Variants in PTPRD observed in about 807,000 individuals in gnomAD.
PTPRD encodes the protein protein tyrosine phosphatase receptor type D.
A neutral mutation model predicts 214.5 loss-of-function variants in PTPRD; 34 were observed. That is an observed-to-expected ratio of 0.16 (90% CI 0.12 to 0.21). The LOEUF is 0.21. Among genes scored for constraint, PTPRD ranks in the 10% least tolerant of loss-of-function variants. PTPRD has a pLI of 1.00. For synonymous variants in PTPRD, 1,128 were observed against 845.7 expected (o/e 1.33, Z -5.79); for missense variants, 2,545 against 2,398.7 (o/e 1.06, Z -1.27).
intron 14 of PTPRD, among the ~76,000 whole-genome samples, chr9:8,618,866 T>TTG (rs371767469): frequency 0.092 from 12,015 of 130,796 alleles, 552 homozygotes; most frequent in East Asian, 0.11. Context: ...CCAGCTAATT[T>TTG]TGTGTGTGTG....
At chr9:9,764,550 G>C (rs898951449) in intron 6 of PTPRD, among the ~76,000 whole-genome samples, 5 of 152,124 alleles carry the variant, frequency 3.3e-5, no homozygotes, top group African/African-American at 1.2e-4. Flanking sequence ...TAGGATGATT[G>C]AGATTATTAT....
At chr9:10,016,236 T>C (rs751576854) in intron 4 of PTPRD, among the ~76,000 whole-genome samples, 2 of 152,200 alleles carry the variant, frequency 1.3e-5, no homozygotes, top group Non-Finnish European at 2.9e-5. Context: ...AATTTGCTAA[T>C]GACATTGTTT....
chr9:9,192,909 G>T (rs1456183102), intron 9 of PTPRD, among the ~76,000 whole-genome samples: 1 of 152,100 alleles, frequency 6.6e-6, no homozygotes, highest in African/African-American at 2.4e-5. Context: ...TCTCTGAGAA[G>T]AGAAGCTGAT....
chr9:9,419,529 T>A (rs187176172), intron 8 of PTPRD, among the ~76,000 whole-genome samples: 60 of 151,942 alleles, frequency 3.9e-4, no homozygotes, highest in African/African-American at 1.2e-3. Flanking sequence ...AAACCTATAA[T>A]TCTGCTTAGA....
At chr9:8,454,117 G>A (rs2096079269) in intron 33 of PTPRD, among the ~76,000 whole-genome samples, 1 of 152,002 alleles carries the variant, frequency 6.6e-6, no homozygotes, top group South Asian at 2.1e-4. Context: ...TTTTGAATTG[G>A]GGAAGAGTTC....
chr9:10,138,648 C>A (rs958576482), intron 3 of PTPRD, among the ~76,000 whole-genome samples: 1 of 151,964 alleles, frequency 6.6e-6, no homozygotes, highest in African/African-American at 2.4e-5. Flanking sequence ...CAAAACAATC[C>A]TTGACAAAAT....
rs150045857 is a variant in PTPRD, at chr9:9,403,968, A to G, written c.-236-6486T>C. Reference sequence around the variant, plus strand: ...GATGGGCAGGCCTGAGCAACACAGAACAAGCCAGCCATGCAAGGTAAGAAG... The same window carrying G: ...GATGGGCAGGCCTGAGCAACACAGAGCAAGCCAGCCATGCAAGGTAAGAAG... On this transcript the variant is annotated intron_variant, in intron 8 of 45. Transcript: ENST00000381196. 4.7e-4 allele frequency among the ~76,000 whole-genome samples: 72 copies of G among 152,218 alleles called. 1 individual carries two copies. In the East Asian group the frequency reaches 0.011, roughly 23 times the overall value.
chr9:8,878,802 G>A (rs1465048337), intron 11 of PTPRD, among the ~76,000 whole-genome samples: 1 of 152,154 alleles, frequency 6.6e-6, no homozygotes, highest in African/African-American at 2.4e-5. Context: ...TTATTGGGAA[G>A]GGATTACAGC....
At chr9:8,404,984 G>C (rs1181704780) in intron 35 of PTPRD, among the ~76,000 whole-genome samples, 1 of 152,082 alleles carries the variant, frequency 6.6e-6, no homozygotes, top group African/African-American at 2.4e-5. Flanking sequence ...AGTCATCTTG[G>C]TTCAATATTC....
chr9:10,472,672 G>A (rs1165762033), intron 2 of PTPRD, among the ~76,000 whole-genome samples: 1 of 152,036 alleles, frequency 6.6e-6, no homozygotes, highest in Non-Finnish European at 1.5e-5. Context: ...AAAAATCCTA[G>A]ATGTTCAGAA....
At chr9:9,985,422 T>C (rs943701603) in intron 4 of PTPRD, among the ~76,000 whole-genome samples, 1 of 152,204 alleles carries the variant, frequency 6.6e-6, no homozygotes, top group African/African-American at 2.4e-5. Context: ...CTGCCAGATA[T>C]GCTGTTTTAA....
intron 6 of PTPRD, among the ~76,000 whole-genome samples, chr9:9,747,404 A>G (rs369961750): frequency 2.0e-5 from 3 of 152,156 alleles, no homozygotes; most frequent in South Asian, 4.1e-4. Context: ...TCTGCTCACA[A>G]TAGAGTGTGT....
intron 11 of PTPRD, among the ~76,000 whole-genome samples, chr9:8,840,330 T>C (rs1482376645): frequency 3.3e-5 from 5 of 152,182 alleles, no homozygotes; most frequent in African/African-American, 1.2e-4. Flanking sequence ...CAAGATTTGA[T>C]GGTTTTAAAA....
At chr9:9,436,217 G>A (rs901466097) in intron 8 of PTPRD, among the ~76,000 whole-genome samples, 10 of 152,100 alleles carry the variant, frequency 6.6e-5, no homozygotes, top group African/African-American at 2.4e-4. Context: ...AAAAGTATCT[G>A]CATGATAAGC....
At chr9:10,073,829 A>G (rs1002682100) in intron 3 of PTPRD, among the ~76,000 whole-genome samples, 1 of 152,122 alleles carries the variant, frequency 6.6e-6, no homozygotes, top group Non-Finnish European at 1.5e-5. Context: ...TGAGTGAACT[A>G]CTATACTGGG....
chr9:9,928,272 T>A (rs1238096708), intron 5 of PTPRD, among the ~76,000 whole-genome samples: 1 of 152,188 alleles, frequency 6.6e-6, no homozygotes, highest in Non-Finnish European at 1.5e-5. Context: ...GAATCAATGC[T>A]ATCTTAATAT....
chr9:8,544,164 C>CTTTTTT (rs373194856), intron 14 of PTPRD, among the ~76,000 whole-genome samples: 10,404 of 110,676 alleles, frequency 0.094, 791 homozygotes, highest in Non-Finnish European at 0.14. Context: ...TTTGCCATTA[C>CTTTTTT]TTTTTTTTTT....
At position 8,705,611 on chromosome 9, in the gene PTPRD, G is replaced by A. The variant is rs370342851; in HGVS notation, c.64+28169C>T. 6.6e-4 allele frequency among the ~76,000 whole-genome samples: 101 copies of A among 152,222 alleles called. No individual in the cohort carries two copies. In the East Asian group the frequency reaches 0.013, roughly 19 times the overall value. On this transcript the variant is annotated intron_variant, in intron 12 of 45. Transcript: ENST00000381196. ...AAGCAACAGCAAAGAAGACATAAAA[G>A]ATATATCTGCTTCTTAAGTTAGACA...
At chr9:9,066,614 T>A (rs1301971209) in intron 10 of PTPRD, among the ~76,000 whole-genome samples, 1 of 152,142 alleles carries the variant, frequency 6.6e-6, no homozygotes, top group African/African-American at 2.4e-5. Context: ...GGGAGATTAT[T>A]CTGGGTTCTT....
Sources: allele counts gnomAD v4.1 joint callset (sites outside exome capture counted in the v4.1 genomes callset), GRCh38; gene constraint gnomAD v4.1.1; transcripts MANE v1.5; gene names NCBI Gene and HGNC (gene_info 2026-07-23, HGNC 2026-07-21).